RAI1: variants seen among roughly 807,000 people sequenced by gnomAD.
The protein encoded by RAI1 is retinoic acid induced 1, also known as retinoic acid-induced protein 1.
A neutral mutation model predicts 123.8 loss-of-function variants in RAI1; 9 were observed. The ratio of observed to expected loss-of-function variants is 0.07; its 90% CI spans 0.04 to 0.13. RAI1 has a LOEUF of 0.13. Among genes scored for constraint, RAI1 ranks in the 10% least tolerant of loss-of-function variants. RAI1 has a pLI of 1.00. For synonymous variants in RAI1, 1,231 were observed against 1,127.3 expected (o/e 1.09, Z -1.84); for missense variants, 2,256 against 2,545.8 (o/e 0.89, Z 2.45).
chr17:17,811,403 G>GA lies in RAI1; in HGVS notation c.*1440dup, dbSNP rs34061744. On this transcript the variant is annotated 3_prime_UTR_variant, in exon 6 of 6. Transcript: ENST00000353383. ...GAGTAAAAAACAGTCATTGCATTCAGAAAAAAAAAAAAAAAAAAGTCAATA... is the reference window on the plus strand; with the variant it reads ...GAGTAAAAAACAGTCATTGCATTCAGAAAAAAAAAAAAAAAAAAAGTCAATA... 0.36 allele frequency: 58,575 copies of GA among 162,326 alleles called. 12,416 individuals are homozygous for GA. The highest frequency in any genetic ancestry group is 0.48 in the Non-Finnish European group (38,512 of 79,722). The allele number at this position is 162,326 out of a possible 1,614,324, so 10.1% of individuals were successfully genotyped here.
intron 3 of RAI1, among the ~76,000 whole-genome samples, chr17:17,802,959 C>A (rs953334079): frequency 1.3e-5 from 2 of 152,066 alleles, no homozygotes; most frequent in African/African-American, 4.8e-5. Context: ...CAGCACATGC[C>A]TGTAATCCCA....
At position 17,800,495 on chromosome 17, in the gene RAI1, C is replaced by T. The variant is rs930485467; in HGVS notation, c.5565+1982C>T. 5.3e-5 allele frequency among the ~76,000 whole-genome samples: 8 copies of T among 152,204 alleles called. No individual in the cohort carries two copies. In the East Asian group the frequency reaches 9.6e-4, roughly 18 times the overall value. ...GGCCGAAGGGAGGAGGGGTCAGCCC[C>T]GAGCACCGACCACCCCATCCTGTCC... On this transcript the variant is annotated intron_variant, in intron 3 of 5. Coordinates refer to ENST00000353383, the MANE Select transcript of RAI1 (RefSeq NM_030665.4). This position sits in a 1 kb window ranked among gnomAD's most constrained non-coding sequence, Gnocchi z 4.7.
At chr17:17,751,955 G>T (rs2030192267) in intron 2 of RAI1, among the ~76,000 whole-genome samples, 1 of 151,844 alleles carries the variant, frequency 6.6e-6, no homozygotes, top group African/African-American at 2.4e-5. Flanking sequence ...CAAGGGCAGA[G>T]TTTTTTTTTA....
At chr17:17,699,142 T>C (rs1477715021) in intron 1 of RAI1, among the ~76,000 whole-genome samples, 1 of 152,226 alleles carries the variant, frequency 6.6e-6, no homozygotes, top group East Asian at 1.9e-4. Flanking sequence ...TTCTCTGGGC[T>C]CCTAGAGGCT....
chr17:17,701,958 C>T (rs1915237482), intron 1 of RAI1, among the ~76,000 whole-genome samples: 1 of 152,134 alleles, frequency 6.6e-6, no homozygotes, highest in African/African-American at 2.4e-5. Flanking sequence ...AGGCAGCGCT[C>T]GAAAGGAATA....
intron 1 of RAI1, chr17:17,682,583 G>A (rs1272993270): frequency 1.3e-5 from 2 of 152,178 alleles, no homozygotes; most frequent in Non-Finnish European, 2.9e-5. Context: ...CCGGGAGGAG[G>A]ACATGGGGGC....
chr17:17,810,181 G>A lies in RAI1; in HGVS notation c.*200G>A, dbSNP rs2032704537. 4 of 745,412 alleles carry A rather than the reference G, an allele frequency of 5.4e-6. No homozygotes were observed. The East Asian group carries it at 1.2e-4, about 22-fold the overall frequency. The allele number at this position is 745,412 out of a possible 1,614,324, so 46.2% of individuals were successfully genotyped here. On this transcript the variant is annotated 3_prime_UTR_variant, in exon 6 of 6. Transcript: ENST00000353383. This position sits in a 1 kb window ranked among gnomAD's most constrained non-coding sequence, Gnocchi z 4.6. ...CGGCCCCGGGTTGGGAGGAAAACCC[G>A]TTCCGGAGCCGCCTGCTCCCGGAAC...
rs190093819 is a variant in RAI1 at position 17,704,370 on chromosome 17, C to G, written c.-148-19658C>G. On this transcript the variant is annotated intron_variant, in intron 1 of 5. Transcript: ENST00000353383. ...CATCTCCAGGGGTTCTAGCATTGGA[C>G]GCCTGAAAGTGGACAACATGGCAGT... 6.6e-5 allele frequency among the ~76,000 whole-genome samples: 10 copies of G among 152,294 alleles called. 1 individual carries two copies. Among genetic ancestry groups the G allele is most frequent in the Middle Eastern group, 6.8e-3 (2 of 294 alleles).
At chr17:17,789,143 G>A (rs2031928389) in intron 2 of RAI1, among the ~76,000 whole-genome samples, 1 of 152,256 alleles carries the variant, frequency 6.6e-6, no homozygotes, top group Non-Finnish European at 1.5e-5. Flanking sequence ...TTCCTCCAAA[G>A]TGGGAGCCCC....
At position 17,798,025 on chromosome 17, in the gene RAI1, C is replaced by G; in HGVS notation, c.5077C>G (p.Pro1693Ala). Residue 1693 changes from proline (P) to alanine (A), a missense_variant, in exon 3 of 6, where the codon CCG becomes GCG. Coordinates refer to ENST00000353383, the MANE Select transcript of RAI1 (RefSeq NM_030665.4). ...SCLVCCLCQN[P>A]ANFKDLGDLC... ...CCTTGTTTGCTGCCTCTGCCAAAAC[C>G]CGGCCAACTTCAAGGACCTTGGGGA... 1 of 1,614,152 alleles carries G rather than the reference C, an allele frequency of 6.2e-7. No individual in the cohort carries two copies. The highest frequency in any genetic ancestry group is 8.5e-7 in the Non-Finnish European group (1 of 1,180,042).
chr17:17,693,412 C>T (rs1914906113), intron 1 of RAI1, among the ~76,000 whole-genome samples: 1 of 152,242 alleles, frequency 6.6e-6, no homozygotes, highest in Admixed American at 6.5e-5. Flanking sequence ...GGGAGACTGG[C>T]TGGGCCTCTC....
rs189679138 is a variant in RAI1 at position 17,686,242 on chromosome 17, C to G, written c.-149+4449C>G. On this transcript the variant is annotated intron_variant, in intron 1 of 5. Transcript: ENST00000353383. ...ATTGTCTCCCGTGGGCCCCTTTGAT[C>G]TTTAGCAAGGGCATGCTCAGGTCTG... Among the ~76,000 whole-genome samples, 881 of 131,340 alleles carry G rather than the reference C, an allele frequency of 6.7e-3. 5 individuals carry two copies. The highest frequency in any genetic ancestry group is 0.035 in the South Asian group (145 of 4,146). The allele number at this position is 131,340 out of a possible 152,430, so 86.2% of individuals were successfully genotyped here.
chr17:17,688,501 A>G (rs1914721780), intron 1 of RAI1, among the ~76,000 whole-genome samples: 1 of 152,090 alleles, frequency 6.6e-6, no homozygotes. Flanking sequence ...AAATAAATAA[A>G]CAAAATGAGG....
At chr17:17,791,376 G>A (rs1215782434) in intron 2 of RAI1, among the ~76,000 whole-genome samples, 5 of 152,120 alleles carry the variant, frequency 3.3e-5, no homozygotes, top group Non-Finnish European at 5.9e-5. Flanking sequence ...AAGGGTAAAT[G>A]GAGCAGCACC....
chr17:17,743,614 T>A (rs769972793), intron 2 of RAI1, among the ~76,000 whole-genome samples: 142 of 152,204 alleles, frequency 9.3e-4, no homozygotes, highest in Non-Finnish European at 1.6e-3. Flanking sequence ...ACACACGTGG[T>A]TTCTCTGGGG....
At position 17,810,142 on chromosome 17, in the gene RAI1, A is replaced by G; in HGVS notation, c.*161A>G. The G allele has an allele frequency of 4.7e-6, 5 of 1,064,608 alleles. No individual in the cohort carries two copies. The highest frequency in any genetic ancestry group is 6.5e-6 in the Non-Finnish European group (5 of 765,970). 65.9% of individuals were successfully genotyped at this position (1,064,608 alleles called of 1,614,324 possible). ...TCCCGGATCGTGGATCCGGCCGCCT[A>G]GGGCTCAGACTTGCGGCCCCGGGTT... On this transcript the variant is annotated 3_prime_UTR_variant, in exon 6 of 6. Transcript: ENST00000353383. The surrounding 1 kb of genome is among the most constrained non-coding windows in gnomAD (Gnocchi z 4.6).
In RAI1 at chr17:17,796,479, C is replaced by T; in HGVS notation, c.3531C>T (p.Leu1177=). 1 of 1,611,750 alleles carries T rather than the reference C, an allele frequency of 6.2e-7. No homozygotes were observed. Among genetic ancestry groups the T allele is most frequent in the Non-Finnish European group, 8.5e-7 (1 of 1,179,870 alleles). ...CCAACTGCCGTGCCACCAAGAAGCT[C>T]CTCGACAACAGCCACTTGCCCGCCA... The part of the protein sequence containing the change: ...RLPNCRATKK[L]LDNSHLPATF... The change falls in exon 3 of 6, where the codon CTC becomes CTT. Residue 1177 remains leucine, a synonymous_variant. Coordinates refer to ENST00000353383, the MANE Select transcript of RAI1 (RefSeq NM_030665.4). The surrounding 1 kb of genome is among the most constrained non-coding windows in gnomAD (Gnocchi z 5.8).
chr17:17,800,057 G>T lies in RAI1; in HGVS notation c.5565+1544G>T, dbSNP rs960475015. Among the ~76,000 whole-genome samples, 4 of 152,142 alleles carry T rather than the reference G, an allele frequency of 2.6e-5. No individual in the cohort carries two copies. The highest frequency in any genetic ancestry group is 9.7e-5 in the African/African-American group (4 of 41,440). On this transcript the variant is annotated intron_variant, in intron 3 of 5. Transcript: ENST00000353383. This position sits in a 1 kb window ranked among gnomAD's most constrained non-coding sequence, Gnocchi z 4.7. ...CTCAGAGGAAGGCTGGCCCCGACAGGACTCCTGCAGGTTCCTGGTGCCGCG... is the reference window on the plus strand; with the variant it reads ...CTCAGAGGAAGGCTGGCCCCGACAGTACTCCTGCAGGTTCCTGGTGCCGCG...
intron 2 of RAI1, among the ~76,000 whole-genome samples, chr17:17,750,333 C>T (rs935882481): frequency 1.3e-5 from 2 of 152,204 alleles, no homozygotes; most frequent in African/African-American, 4.8e-5. Context: ...CCATTTTATT[C>T]TTACAACAGC....
Sources: gnomAD v4.1 joint callset for allele counts (sites outside exome capture counted in the v4.1 genomes callset) on GRCh38, gnomAD v4.1.1 for gene constraint, Gnocchi (gnomAD v3.1) non-coding constraint, MANE v1.5 for transcripts, NCBI Gene and HGNC (gene_info 2026-07-23, HGNC 2026-07-21) for gene names.